HDAC6: variants seen among roughly 807,000 people sequenced by gnomAD.
HDAC6 encodes the protein histone deacetylase 6.
A neutral mutation model predicts 88.9 loss-of-function variants in HDAC6; 5 were observed. The ratio of observed to expected loss-of-function variants is 0.06; its 90% confidence interval spans 0.03 to 0.12. The LOEUF (loss-of-function observed/expected upper bound fraction) is 0.12. HDAC6 is among the 10% of genes least tolerant of loss of function. The pLI is 1.00. For synonymous variants in HDAC6, 378 were observed against 398.0 expected (o/e 0.95, Z 0.60); for missense variants, 706 against 1,014.4 (o/e 0.70, Z 4.13).
At position 48,805,682 on chromosome X, in the gene HDAC6, G is replaced by C; in HGVS notation, c.437+11G>C. 8.6e-7 allele frequency: 1 copy of C among 1,160,782 alleles called. No homozygotes were observed. Among genetic ancestry groups the C allele is most frequent in the Non-Finnish European group, 1.2e-6 (1 of 865,025 alleles). ...GATGTTGGTTCACAGGTGAAGGCTT[G>C]GGAGCCTTGTAGGGATGGGGAGGAG... On this transcript the variant is annotated intron_variant, in intron 6 of 28. Transcript: ENST00000334136.
chrX:48,802,520 G>A, intron 1 of HDAC6, 143 bp from the exon 2 acceptor site: 2 of 1,100,177 alleles, frequency 1.8e-6, no homozygotes, highest in South Asian at 2.3e-5. Flanking sequence ...TGAGAGAGGC[G>A]GAGTTTGGAA....
chrX:48,803,981 G>A (rs782063243), intron 4 of HDAC6, among the ~76,000 whole-genome samples: 4 of 111,929 alleles, frequency 3.6e-5, no homozygotes, highest in Non-Finnish European at 5.6e-5. Context: ...TGACCAACGC[G>A]ATGAAACACT....
Position 48,816,507 on chromosome X carries a change from A to G in HDAC6, c.1665A>G (p.Lys555=). 4.1e-6 allele frequency: 5 copies of G among 1,207,943 alleles called. No homozygotes were observed. Among genetic ancestry groups the G allele is most frequent in the Non-Finnish European group, 5.6e-6 (5 of 893,674 alleles). ...ATCTCCGGGCCACAGAGAAAATGAA[A>G]ACCCGGGAGCTGCACCGTGAGAGTT... ...VGHLRATEKM[K]TRELHRESSN... is the part of the protein sequence containing the mutation. The change falls in exon 19 of 29, where the codon AAA becomes AAG. Residue 555 remains lysine (K), a synonymous_variant. Transcript: ENST00000334136.
In HDAC6 at chrX:48,823,767, T is replaced by C; in HGVS notation, c.3285T>C (p.Ser1095=). The change falls in exon 26 of 29, where the codon TCT becomes TCC. Residue 1095 remains serine (S), a synonymous_variant. Transcript: ENST00000334136. ...DMADSMLMQG[S]RGLTDQAIFY... ...CTGATTCGATGCTGATGCAGGGATC[T>C]AGGGGCCTCACTGATCAGGTGAGCT... 8.3e-7 allele frequency: 1 copy of C among 1,207,244 alleles called. No individual in the cohort carries two copies. The highest frequency in any genetic ancestry group is 1.1e-6 in the Non-Finnish European group (1 of 891,763).
Position 48,815,048 on chromosome X carries a change from G to C in HDAC6, c.1146G>C (p.Leu382=). The C allele has an allele frequency of 8.4e-7, 1 of 1,187,179 alleles. No homozygotes were observed. Among genetic ancestry groups the C allele is most frequent in the Non-Finnish European group, 1.1e-6 (1 of 879,733 alleles). ...CAGGAGGCAAGCTGATCCTGTCTCT[G>C]GAGGTGAGTGACTCACCTTCGTCCC... is the stretch of plus-strand genomic sequence containing the variant. ...GLAGGKLILS[L]EGGYNLRALA... Residue 382 remains leucine (L), a synonymous_variant, in exon 14 of 29, where the codon CTG becomes CTC. Coordinates refer to ENST00000334136, the MANE Select transcript of HDAC6 (RefSeq NM_006044.4).
intron 10 of HDAC6, among the ~76,000 whole-genome samples, chrX:48,811,538 C>CT (rs1403791142): frequency 1.3e-4 from 15 of 112,125 alleles, no homozygotes; most frequent in African/African-American, 4.5e-4. Context: ...GGCATTTCCC[C>CT]AGAATGGGGA....
chrX:48,822,497 C>A, intron 23 of HDAC6, 123 bp from the exon 24 acceptor site: 1 of 488,339 alleles, frequency 2.0e-6, no homozygotes, highest in Non-Finnish European at 3.4e-6. Context: ...GTTCTCAGTA[C>A]TCCCCCTCCC....
chrX:48,809,443 T>C (rs1203747548), intron 10 of HDAC6, among the ~76,000 whole-genome samples: 1 of 111,670 alleles, frequency 9.0e-6, no homozygotes, highest in Non-Finnish European at 1.9e-5. Context: ...ATCCTTAATC[T>C]GAAAACCCAA....
chrX:48,816,510 C>A lies in HDAC6; in HGVS notation c.1668C>A (p.Thr556=). The change falls in exon 19 of 29, where the codon ACC becomes ACA. Residue 556 remains threonine, a synonymous_variant. Transcript: ENST00000334136. ...TCCGGGCCACAGAGAAAATGAAAACCCGGGAGCTGCACCGTGAGAGTTCCA... is the reference window on the plus strand; with the variant it reads ...TCCGGGCCACAGAGAAAATGAAAACACGGGAGCTGCACCGTGAGAGTTCCA... The part of the protein sequence containing the change: ...GHLRATEKMK[T]RELHRESSNF... The A allele has an allele frequency of 8.3e-7, 1 of 1,208,718 alleles. No homozygotes were observed. Among genetic ancestry groups the A allele is most frequent in the Non-Finnish European group, 1.1e-6 (1 of 893,873 alleles).
At chrX:48,807,722 C>G (rs1557024810) in intron 8 of HDAC6, among the ~76,000 whole-genome samples, 4 of 111,831 alleles carry the variant, frequency 3.6e-5, no homozygotes, top group East Asian at 2.8e-4. Context: ...CCGTGTTGGC[C>G]AGGATGGTCT....
Position 48,808,020 on chromosome X carries a change from T to C in HDAC6, c.633-13T>C. 4 of 1,164,535 alleles carry C rather than the reference T, an allele frequency of 3.4e-6. No individual in the cohort carries two copies. The highest frequency in any genetic ancestry group is 4.7e-6 in the Non-Finnish European group (4 of 858,087). Reference sequence around the variant, plus strand: ...TCACATACTCCAAGCTGTTATTTCCTTGTCTTGCCCAGGCCTCCTGGACAT... The same window carrying C: ...TCACATACTCCAAGCTGTTATTTCCCTGTCTTGCCCAGGCCTCCTGGACAT... On this transcript the variant is annotated splice_polypyrimidine_tract_variant and intron_variant, in intron 8 of 28. Transcript: ENST00000334136.
chrX:48,811,983 G>T (rs2062909551), intron 10 of HDAC6, among the ~76,000 whole-genome samples: 1 of 112,111 alleles, frequency 8.9e-6, no homozygotes, highest in Admixed American at 9.5e-5. Context: ...AAATATTTCA[G>T]AATGCATCTC....
Position 48,824,742 on chromosome X carries a change from C to T in HDAC6, c.*130C>T. 8.9e-7 allele frequency: 1 copy of T among 1,119,742 alleles called. No homozygotes were observed. Among genetic ancestry groups the T allele is most frequent in the Admixed American group, 3.1e-5 (1 of 32,622 alleles). The allele number at this position is 1,119,742 out of a possible 1,213,427, so 92.3% of individuals were successfully genotyped here. ...ATCCTGAATATCCTTTGCAACTCCCCAAGAGTGCTTATTTAAGTGTTAATA... is the reference window on the plus strand; with the variant it reads ...ATCCTGAATATCCTTTGCAACTCCCTAAGAGTGCTTATTTAAGTGTTAATA... On this transcript the variant is annotated 3_prime_UTR_variant, in exon 29 of 29. Transcript: ENST00000334136.
At position 48,818,303 on chromosome X, in the gene HDAC6, G is replaced by A. The variant is rs367939546; in HGVS notation, c.2078G>A (p.Arg693Gln). The A allele has an allele frequency of 8.3e-6, 10 of 1,203,431 alleles. No homozygotes were observed. Among genetic ancestry groups the A allele is most frequent in the South Asian group, 3.6e-5 (2 of 55,408 alleles). ...GDEGASSQIG[R>Q]AAGTGFTVNV... ...GAGGGTGCCAGCAGCCAGATCGGCC[G>A]GGCTGCGGGCACAGGCTTCACCGTC... is the stretch of plus-strand genomic sequence containing the variant. Residue 693 changes from arginine (R) to glutamine (Q), a missense_variant, in exon 22 of 29, where the codon CGG becomes CAG. By Grantham distance (43) the Arg-to-Gln change is conservative. Transcript: ENST00000334136.
rs1347809940 is a variant in HDAC6, at chrX:48,815,712, C to T, written c.1324+70C>T. On this transcript the variant is annotated intron_variant, in intron 16 of 28. Coordinates refer to ENST00000334136, the MANE Select transcript of HDAC6 (RefSeq NM_006044.4). ...AGCCCTGGGGGAGACTGTCTTCAGA[C>T]TTCCTCTGACTTTACTGGGCTGCCT... 4.7e-6 allele frequency: 5 copies of T among 1,072,875 alleles called. No homozygotes were observed. In the African/African-American group the frequency reaches 9.2e-5, roughly 20 times the overall value. 88.4% of individuals were successfully genotyped at this position (1,072,875 alleles called of 1,213,427 possible).
chrX:48,824,945 G>T lies in HDAC6; in HGVS notation c.*333G>T. ...GTTAACTGGCAGGCATGGCAAGGTT[G>T]CATATGTAATAAAGTACAAGCTGTT... On this transcript the variant is annotated 3_prime_UTR_variant, in exon 29 of 29. Transcript: ENST00000334136. 9.6e-7 allele frequency: 1 copy of T among 1,041,945 alleles called. No homozygotes were observed. The highest frequency in any genetic ancestry group is 1.2e-6 in the Non-Finnish European group (1 of 801,478). The allele number at this position is 1,041,945 out of a possible 1,213,427, so 85.9% of individuals were successfully genotyped here.
At chrX:48,813,128 C>G (rs1193113037) in intron 10 of HDAC6, among the ~76,000 whole-genome samples, 1 of 112,239 alleles carries the variant, frequency 8.9e-6, no homozygotes, top group Non-Finnish European at 1.9e-5. Context: ...ATGCTGGTCT[C>G]GAACTTCTGG....
At chrX:48,803,623 T>C (rs2062764297) in intron 4 of HDAC6, among the ~76,000 whole-genome samples, 1 of 112,025 alleles carries the variant, frequency 8.9e-6, no homozygotes, top group Admixed American at 9.4e-5. Flanking sequence ...ACGTTTGTAC[T>C]GAAACAGAAG....
chrX:48,804,774 G>A (rs1185568438), intron 4 of HDAC6, among the ~76,000 whole-genome samples: 1 of 111,657 alleles, frequency 9.0e-6, no homozygotes, highest in Admixed American at 9.5e-5. Context: ...AGCAGTAAAG[G>A]GAGGATAGTA....
Sources: gnomAD v4.1 joint callset for allele counts (sites outside exome capture counted in the v4.1 genomes callset) on GRCh38, gnomAD v4.1.1 for gene constraint, MANE v1.5 for transcripts, NCBI Gene and HGNC (gene_info 2026-07-23, HGNC 2026-07-21) for gene names.